The following CNGB3 variants were observed in gnomAD, a reference collection of about 807,000 sequenced individuals.
CNGB3 encodes cyclic nucleotide-gated channel beta-3.
Under a neutral mutation model 92.8 loss-of-function variants are expected in CNGB3, and 86 were observed. The ratio of observed to expected loss-of-function variants is 0.93; its 90% confidence interval spans 0.78 to 1.11. CNGB3 has a LOEUF of 1.11. Ranked by LOEUF, CNGB3 falls within the 50% of genes least tolerant of loss-of-function variation. CNGB3 has a pLI of 0.00. For missense variants in CNGB3, 1,026 were observed against 956.8 expected (o/e 1.07, Z -0.95); for synonymous variants, 333 against 332.7 (o/e 1.00, Z -0.01).
intron 17 of CNGB3, among the ~76,000 whole-genome samples, chr8:86,577,051 T>C (rs1821674593): frequency 6.6e-6 from 1 of 152,188 alleles, no homozygotes; most frequent in African/African-American, 2.4e-5. Context: ...TCAGAAAACC[T>C]GAATCCCTGC....
intron 14 of CNGB3, among the ~76,000 whole-genome samples, chr8:86,608,257 G>A (rs1822449692): frequency 6.6e-6 from 1 of 152,226 alleles, no homozygotes; most frequent in Non-Finnish European, 1.5e-5. Context: ...TGCAGACATA[G>A]GAGCTGAGGG....
At position 86,604,073 on chromosome 8, in the gene CNGB3, A is replaced by G; in HGVS notation, c.1781+20T>C. 1.4e-6 allele frequency: 2 copies of G among 1,439,632 alleles called. No individual in the cohort carries two copies. The highest frequency in any genetic ancestry group is 1.1e-5 in the South Asian group (1 of 87,392). 89.2% of individuals were successfully genotyped at this position (1,439,632 alleles called of 1,614,324 possible). On this transcript the variant is annotated intron_variant, in intron 15 of 17. Transcript: ENST00000320005. ...TGACAAATGATGGACTTCAATATTT[A>G]TGAAGTATCTTTCAGATACCTGATT... is the stretch of plus-strand genomic sequence containing the variant.
intron 6 of CNGB3, 95 bp from the exon 7 acceptor site, chr8:86,654,157 C>T: frequency 2.4e-6 from 2 of 840,000 alleles, no homozygotes; most frequent in East Asian, 2.5e-5. Context: ...TGGTTGGTTC[C>T]TTCCAATCTC....
Position 86,721,418 on chromosome 8 carries a change from A to T in CNGB3, c.338+5113T>A, listed in dbSNP as rs1385079230. ...TGGACTCTGGGGACTATGGGGAAAG[A>T]GTGGGAAGGGGGTGAAGGATAAAAG... is the stretch of plus-strand genomic sequence containing the variant. On this transcript the variant is annotated intron_variant, in intron 3 of 17. Transcript: ENST00000320005. 1.3e-5 allele frequency among the ~76,000 whole-genome samples: 2 copies of T among 152,260 alleles called. 1 individual carries two copies. Among genetic ancestry groups the T allele is most frequent in the South Asian group, 4.1e-4 (2 of 4,822 alleles).
intron 6 of CNGB3, among the ~76,000 whole-genome samples, chr8:86,666,553 A>T (rs140241242): frequency 1.3e-5 from 2 of 152,182 alleles, no homozygotes; most frequent in African/African-American, 4.8e-5. Flanking sequence ...TAAGGGAAGT[A>T]TTATAAATAA....
intron 10 of CNGB3, among the ~76,000 whole-genome samples, chr8:86,641,316 A>T (rs1823180334): frequency 6.6e-6 from 1 of 152,016 alleles, no homozygotes; most frequent in Non-Finnish European, 1.5e-5. Context: ...AAATAATTGT[A>T]GGTATTCTAA....
At chr8:86,591,496 G>A (rs1423506241) in intron 15 of CNGB3, among the ~76,000 whole-genome samples, 2 of 149,644 alleles carry the variant, frequency 1.3e-5, no homozygotes, top group Non-Finnish European at 3.0e-5. Context: ...CTTTGATGAT[G>A]GTGATGTACA....
intron 13 of CNGB3, among the ~76,000 whole-genome samples, chr8:86,621,009 C>G (rs1013562134): frequency 1.3e-5 from 2 of 152,044 alleles, no homozygotes; most frequent in African/African-American, 4.8e-5. Context: ...AAGTTATACA[C>G]AACATTAGCA....
chr8:86,691,411 G>A (rs914094742), intron 3 of CNGB3, among the ~76,000 whole-genome samples: 1 of 152,128 alleles, frequency 6.6e-6, no homozygotes, highest in Non-Finnish European at 1.5e-5. Flanking sequence ...GTACTATGTT[G>A]AATAGAAGTG....
At chr8:86,599,404 T>C (rs954940896) in intron 15 of CNGB3, among the ~76,000 whole-genome samples, 3 of 152,302 alleles carry the variant, frequency 2.0e-5, no homozygotes. Flanking sequence ...ATATGAAATC[T>C]GGACACCTTG....
In CNGB3 at chr8:86,628,952, A is replaced by C. The variant is rs373270306; in HGVS notation, c.1447T>G (p.Tyr483Asp). 5.6e-6 allele frequency: 9 copies of C among 1,613,774 alleles called. No homozygotes were observed. Among genetic ancestry groups the C allele is most frequent in the African/African-American group, 1.3e-5 (1 of 74,880 alleles). ...KLVQKRVRTW[Y>D]EYTWDSQRML... ...CTTTGAGAGTCCCATGTATATTCAT[A>C]CCAAGTCCGAACTCGCTTTTGCACA... Residue 483 changes from tyrosine (Y) to aspartate (D), a missense_variant, in exon 12 of 18, where the codon TAT becomes GAT. Transcript: ENST00000320005.
intron 6 of CNGB3, among the ~76,000 whole-genome samples, chr8:86,655,990 TGTTAAAGATTG>T (rs763130807): frequency 1.3e-5 from 2 of 152,218 alleles, no homozygotes; most frequent in Non-Finnish European, 2.9e-5. Context: ...GCTTGATCAA[TGTTAAAGATTG>T]GTTAGTCAAC....
At chr8:86,621,036 C>A (rs1032510432) in intron 13 of CNGB3, among the ~76,000 whole-genome samples, 2 of 152,116 alleles carry the variant, frequency 1.3e-5, no homozygotes, top group Non-Finnish European at 2.9e-5. Context: ...GAAGATTTAA[C>A]CTTTTTTCTC....
intron 6 of CNGB3, among the ~76,000 whole-genome samples, chr8:86,662,794 C>CA (rs1563745713): frequency 6.6e-6 from 1 of 152,132 alleles, no homozygotes; most frequent in African/African-American, 2.4e-5. Context: ...TAAACCTTTT[C>CA]ACACAATAAA....
intron 15 of CNGB3, among the ~76,000 whole-genome samples, chr8:86,590,269 C>G (rs1029174710): frequency 6.6e-6 from 1 of 151,940 alleles, no homozygotes; most frequent in African/African-American, 2.4e-5. Flanking sequence ...ATACAGCACA[C>G]TGATGGGTCT....
intron 3 of CNGB3, among the ~76,000 whole-genome samples, chr8:86,719,493 C>A (rs1332167631): frequency 1.3e-5 from 2 of 152,050 alleles, no homozygotes; most frequent in African/African-American, 4.8e-5. Context: ...ACAAGGAAAA[C>A]TACAAAACAC....
intron 14 of CNGB3, among the ~76,000 whole-genome samples, chr8:86,607,057 C>T (rs1822425840): frequency 6.6e-6 from 1 of 152,158 alleles, no homozygotes; most frequent in South Asian, 2.1e-4. Context: ...TCTCAAGGAA[C>T]TGGAATGATT....
chr8:86,740,343 T>C (rs1214885554), intron 1 of CNGB3, among the ~76,000 whole-genome samples: 1 of 152,162 alleles, frequency 6.6e-6, no homozygotes, highest in Non-Finnish European at 1.5e-5. Flanking sequence ...GACGAATCAA[T>C]GTCTGTAGAG....
At position 86,604,123 on chromosome 8, in the gene CNGB3, A is replaced by G. The variant is rs1554607553; in HGVS notation, c.1751T>C (p.Leu584Pro). Residue 584 changes from leucine to proline, a missense_variant, in exon 15 of 18, where the codon CTG becomes CCG. Transcript: ENST00000320005. ...GPDGTKVLVT[L>P]KAGSVFGEIS... The stretch of plus-strand genomic sequence containing the variant: ...TTCTCCAAACACCGACCCAGCTTTC[A>G]GAGTAACCAGAACTTTAGTACCATC... 6.2e-7 allele frequency: 1 copy of G among 1,613,142 alleles called. No individual in the cohort carries two copies. The highest frequency in any genetic ancestry group is 8.5e-7 in the Non-Finnish European group (1 of 1,179,126).
Sources: gnomAD v4.1 joint callset for allele counts (sites outside exome capture counted in the v4.1 genomes callset) on GRCh38, gnomAD v4.1.1 for gene constraint, MANE v1.5 for transcripts, NCBI Gene and HGNC (gene_info 2026-07-23, HGNC 2026-07-21) for gene names.